The following EFL1 variants were observed in gnomAD, a reference collection of about 807,000 sequenced individuals.
EFL1 encodes elongation factor like GTPase 1.
Under a neutral mutation model 126.7 loss-of-function variants are expected in EFL1, and 76 were observed. The observed-to-expected ratio is 0.60, with a 90% CI of 0.50 to 0.73. The LOEUF (loss-of-function observed/expected upper bound fraction) is 0.73. EFL1 is among the 30% of genes least tolerant of loss of function. The pLI, the probability that EFL1 is intolerant of heterozygous loss-of-function variation, is 0.00. For synonymous variants in EFL1, 410 were observed against 448.4 expected, an observed-to-expected ratio of 0.91 and a Z score of 1.08; for missense variants, 1,128 against 1,343.2, an observed-to-expected ratio of 0.84 and a Z score of 2.50.
At chr15:82,201,034 G>GT (rs2074462203) in intron 15 of EFL1, among the ~76,000 whole-genome samples, 1 of 152,136 alleles carries the variant, frequency 6.6e-6, no homozygotes, top group African/African-American at 2.4e-5. Flanking sequence ...CACCATGCCT[G>GT]TTTTTTTATT....
At chr15:82,205,818 T>C (rs968372027) in intron 15 of EFL1, among the ~76,000 whole-genome samples, 2 of 152,234 alleles carry the variant, frequency 1.3e-5, no homozygotes, top group African/African-American at 4.8e-5. Context: ...TATTAGTAGA[T>C]AAACAGTTAT....
chr15:82,227,632 T>C (rs1317570329), intron 10 of EFL1, 60 bp from the exon 11 acceptor site: 1 of 1,610,532 alleles, frequency 6.2e-7, no homozygotes, highest in Non-Finnish European at 8.5e-7. Context: ...AAGGCGAAGA[T>C]TCACTGTATG....
intron 6 of EFL1, among the ~76,000 whole-genome samples, chr15:82,239,250 C>T (rs1457549719): frequency 1.3e-5 from 2 of 152,184 alleles, no homozygotes; most frequent in African/African-American, 4.8e-5. Flanking sequence ...CATTCTCCTG[C>T]TTCAGCCTCC....
At chr15:82,179,760 G>A (rs2141258250) in intron 15 of EFL1, among the ~76,000 whole-genome samples, 1 of 145,532 alleles carries the variant, frequency 6.9e-6, no homozygotes, top group East Asian at 2.0e-4. Context: ...GGACTAACTG[G>A]TGGGGACAAA....
Position 82,241,280 on chromosome 15 carries a change from A to T in EFL1, c.368T>A (p.Val123Asp). 2 of 1,613,840 alleles carry T rather than the reference A, an allele frequency of 1.2e-6. No individual in the cohort carries two copies. The highest frequency in any genetic ancestry group is 1.7e-6 in the Non-Finnish European group (2 of 1,179,842). Residue 123 changes from valine to aspartate, a missense_variant, in exon 5 of 20, where the codon GTC becomes GAC. Transcript: ENST00000268206. ...ATCACAATCCATTACCTGTGGACAG[A>T]CTCCTTCCACAGCATCTACCACAAT... ...CIIVVDAVEG[V>D]CPQTQAVLRQ...
In EFL1 at chr15:82,261,690, T is replaced by C. The variant is rs370108445; in HGVS notation, c.89A>G (p.His30Arg). The C allele has an allele frequency of 1.1e-5, 17 of 1,613,592 alleles. No individual in the cohort carries two copies. The highest frequency in any genetic ancestry group is 2.2e-5 in the East Asian group (1 of 44,878). The change falls in exon 2 of 20, where the codon CAT becomes CGT. Residue 30 changes from histidine (H) to arginine (R), a missense_variant and splice_region_variant. Coordinates refer to ENST00000268206, the MANE Select transcript of EFL1 (RefSeq NM_024580.6). ...AGCCATTTAAAAAGTATTCTTACCA[T>C]GGTCAACATGAGCCAAAACACAAAT... ...RNICVLAHVD[H>R]GKTTLADCLI...
chr15:82,229,353 TCATATTACCATGGCTGCCATCAAA>T (rs1181248338), intron 8 of EFL1, among the ~76,000 whole-genome samples: 1 of 152,172 alleles, frequency 6.6e-6, no homozygotes, highest in African/African-American at 2.4e-5. Context: ...CATTTGTGGG[TCATATTACCATGGCTGCCATCAAA>T]CAAATACACA....
Position 82,252,961 on chromosome 15 carries a change from C to T in EFL1, c.160-186G>A, listed in dbSNP as rs1165763803. ...GAACTTCTAGCCTCAAGTGATCCTCCCACCGTGGCCTCCCAAAGTGCTGAG... is the reference window on the plus strand; with the variant it reads ...GAACTTCTAGCCTCAAGTGATCCTCTCACCGTGGCCTCCCAAAGTGCTGAG... On this transcript the variant is annotated intron_variant, in intron 3 of 19. Coordinates refer to ENST00000268206, the MANE Select transcript of EFL1 (RefSeq NM_024580.6). Among the ~76,000 whole-genome samples the T allele has an allele frequency of 3.9e-5, 6 of 152,210 alleles. No individual in the cohort carries two copies. In the South Asian group the frequency reaches 1.2e-3, roughly 32 times the overall value.
rs72749528 is a variant in EFL1, at chr15:82,140,884, C to G, written c.2990-2042G>C. On this transcript the variant is annotated intron_variant, in intron 18 of 19. Transcript: ENST00000268206. The stretch of plus-strand genomic sequence containing the variant: ...TAGCTGTTTAAGCTCTCCTTGTATA[C>G]TCTAAAACTCATTTTCTCCCAGGGT... Among the ~76,000 whole-genome samples the G allele has an allele frequency of 6.9e-3, 1,052 of 152,252 alleles. 10 individuals are homozygous for G. Among genetic ancestry groups the G allele is most frequent in the Non-Finnish European group, 8.1e-3 (554 of 68,016 alleles).
intron 4 of EFL1, among the ~76,000 whole-genome samples, chr15:82,247,586 A>G (rs1367115305): frequency 5.9e-5 from 9 of 152,148 alleles, no homozygotes; most frequent in Non-Finnish European, 1.3e-4. Context: ...ATGCTAACCC[A>G]GAGATACGTG....
At chr15:82,187,426 G>T (rs1046124386) in intron 15 of EFL1, among the ~76,000 whole-genome samples, 1 of 152,152 alleles carries the variant, frequency 6.6e-6, no homozygotes, top group Admixed American at 6.5e-5. Context: ...TAGCTGATTA[G>T]AATTATTTTG....
intron 3 of EFL1, among the ~76,000 whole-genome samples, chr15:82,257,626 T>C (rs2141344325): frequency 6.6e-6 from 1 of 152,358 alleles, no homozygotes; most frequent in East Asian, 1.9e-4. Flanking sequence ...AAAAATTGAC[T>C]GAAGGTTCCC....
rs1244892877 is a variant in EFL1 at position 82,151,728 on chromosome 15, T to C, written c.2726A>G (p.Asp909Gly). 3 of 1,614,184 alleles carry C rather than the reference T, an allele frequency of 1.9e-6. No homozygotes were observed. Among genetic ancestry groups the C allele is most frequent in the East Asian group, 2.2e-5 (1 of 44,876 alleles). ...LSKFEEQGAS[D>G]LAKEGQEENE... ...TTCCTCCTGTCCCTCTTTTGCCAGA[T>C]CACTTGCTCCTTGTTCCTCAAATTT... The change falls in exon 18 of 20, where the codon GAT becomes GGT. Residue 909 changes from aspartate (D) to glycine (G), a missense_variant. Asp to Gly is a moderately conservative substitution (Grantham distance 94, BLOSUM62 -1). Transcript: ENST00000268206.
intron 15 of EFL1, among the ~76,000 whole-genome samples, chr15:82,169,347 T>C (rs917166576): frequency 2.0e-4 from 30 of 152,074 alleles, no homozygotes; most frequent in African/African-American, 7.0e-4. Context: ...CTGTTCCTAA[T>C]AGAATGGTGG....
rs1399274568 is a variant in EFL1, at chr15:82,219,697, A to C, written c.1566T>G (p.Ile522Met). ...GACTGTATTTGGGCCCCAAGACAAAAATTTTCTTTCCTCTTCGAGCCACAC... is the reference window on the plus strand; with the variant it reads ...GACTGTATTTGGGCCCCAAGACAAACATTTTCTTTCCTCTTCGAGCCACAC... ...FSGVARRGKK[I>M]FVLGPKYSPL... is the part of the protein sequence containing the mutation. The change falls in exon 14 of 20, where the codon ATT (isoleucine) becomes ATG (methionine). Residue 522 changes from isoleucine to methionine, a missense_variant. This residue lies in a region of EFL1 where 120 missense variants were observed against 142.1 expected (regional missense o/e 0.84). Transcript: ENST00000268206. The C allele has an allele frequency of 1.2e-6, 2 of 1,613,656 alleles. No individual in the cohort carries two copies. The highest frequency in any genetic ancestry group is 1.7e-6 in the Non-Finnish European group (2 of 1,179,830).
intron 15 of EFL1, among the ~76,000 whole-genome samples, chr15:82,210,886 C>T (rs984461979): frequency 2.0e-5 from 3 of 151,298 alleles, no homozygotes; most frequent in Admixed American, 6.6e-5. Context: ...AAAATAGACA[C>T]CACGTGGAAG....
chr15:82,138,418 G>T (rs1481926122), intron 19 of EFL1, among the ~76,000 whole-genome samples: 1 of 119,778 alleles, frequency 8.3e-6, no homozygotes, highest in Non-Finnish European at 1.7e-5. Flanking sequence ...GAGAGAGAGA[G>T]AGAGAGAGTG....
intron 15 of EFL1, among the ~76,000 whole-genome samples, chr15:82,191,967 T>C (rs2074364612): frequency 6.6e-6 from 1 of 152,112 alleles, no homozygotes; most frequent in South Asian, 2.1e-4. Flanking sequence ...CAGAGTGAAA[T>C]TTATAATATC....
chr15:82,159,729 GA>G (rs2074003758), intron 16 of EFL1, among the ~76,000 whole-genome samples: 1 of 152,232 alleles, frequency 6.6e-6, no homozygotes, highest in South Asian at 2.1e-4. Context: ...CTGCCATCAG[GA>G]AAACTAGATG....
Sources: gnomAD v4.1 joint callset for allele counts (sites outside exome capture counted in the v4.1 genomes callset) on GRCh38, gnomAD v4.1.1 for gene constraint, gnomAD v4.1.1 regional missense constraint, MANE v1.5 for transcripts, NCBI Gene and HGNC (gene_info 2026-07-23, HGNC 2026-07-21) for gene names.